The following MAGI2 variants were observed in gnomAD, a reference collection of about 807,000 sequenced individuals.
MAGI2 encodes membrane-associated guanylate kinase, WW and PDZ domain-containing protein 2.
MAGI2 carries 35 observed loss-of-function variants against 133.3 expected under a neutral mutation model. The observed-to-expected ratio is 0.26, with a 90% CI of 0.20 to 0.35. The LOEUF is 0.35. Among genes scored for constraint, MAGI2 ranks in the 10% least tolerant of loss-of-function variants. The pLI, the probability that MAGI2 is intolerant of heterozygous loss-of-function variation, is 1.00. For missense variants in MAGI2, 1,636 were observed against 1,863.4 expected (o/e 0.88, Z 2.25); for synonymous variants, 729 against 710.6 (o/e 1.03, Z -0.41).
At chr7:78,563,122 A>G (rs1241722077) in intron 3 of MAGI2, among the ~76,000 whole-genome samples, 1 of 152,110 alleles carries the variant, frequency 6.6e-6, no homozygotes, top group Non-Finnish European at 1.5e-5. Flanking sequence ...AATATGTGCA[A>G]TTATTATAAA....
chr7:79,389,709 T>C (rs10231173), intron 1 of MAGI2, among the ~76,000 whole-genome samples: 4,358 of 150,310 alleles, frequency 0.029, 320 homozygotes, highest in African/African-American at 0.1. Context: ...TGCAATAGAT[T>C]CTATGAGAAT....
At chr7:78,429,971 T>A (rs987645158) in intron 6 of MAGI2, among the ~76,000 whole-genome samples, 3 of 152,128 alleles carry the variant, frequency 2.0e-5, no homozygotes, top group Admixed American at 6.6e-5. Context: ...GCATTTTGGA[T>A]CCAGAATCCC....
At chr7:79,211,719 A>C (rs1404837416) in intron 1 of MAGI2, among the ~76,000 whole-genome samples, 1 of 152,052 alleles carries the variant, frequency 6.6e-6, no homozygotes, top group African/African-American at 2.4e-5. Context: ...AAATAACAAC[A>C]ACAACAATAA....
intron 1 of MAGI2, among the ~76,000 whole-genome samples, chr7:79,265,773 G>A (rs1479390623): frequency 3.9e-5 from 6 of 152,040 alleles, no homozygotes; most frequent in Non-Finnish European, 7.4e-5. Flanking sequence ...GAAGGCAGGC[G>A]CTAAGAAGGA....
intron 10 of MAGI2, among the ~76,000 whole-genome samples, chr7:78,239,075 T>C (rs1271446924): frequency 2.0e-5 from 3 of 152,088 alleles, no homozygotes; most frequent in Non-Finnish European, 4.4e-5. Context: ...CTCACTCACT[T>C]TCTTTAGATT....
chr7:79,030,063 T>C (rs576807900), intron 1 of MAGI2, among the ~76,000 whole-genome samples: 1 of 152,284 alleles, frequency 6.6e-6, no homozygotes, highest in East Asian at 1.9e-4. Context: ...GTATGTCACA[T>C]CCTCCATGGG....
intron 1 of MAGI2, among the ~76,000 whole-genome samples, chr7:79,397,179 T>C (rs1163415239): frequency 6.7e-6 from 1 of 149,222 alleles, no homozygotes; most frequent in Non-Finnish European, 1.5e-5. Flanking sequence ...TATATATATA[T>C]GTTATTTTAG....
rs115554594 is a variant in MAGI2, at chr7:78,021,703, G to A, written c.3707-1727C>T. Reference sequence around the variant, plus strand: ...AACCTTCCTTCTTCCATACACTGATGTCCATTATCATTTTCACATGGTAAA... The same window carrying A: ...AACCTTCCTTCTTCCATACACTGATATCCATTATCATTTTCACATGGTAAA... On this transcript the variant is annotated intron_variant, in intron 21 of 21. Coordinates refer to ENST00000354212, the MANE Select transcript of MAGI2 (RefSeq NM_012301.4). Among the ~76,000 whole-genome samples, 1,449 of 152,216 alleles carry A rather than the reference G, an allele frequency of 9.5e-3. 35 individuals carry two copies. Among genetic ancestry groups the A allele is most frequent in the African/African-American group, 0.033 (1,386 of 41,494 alleles).
intron 2 of MAGI2, among the ~76,000 whole-genome samples, chr7:78,932,391 T>C (rs994623104): frequency 6.6e-6 from 1 of 152,006 alleles, no homozygotes; most frequent in African/African-American, 2.4e-5. Flanking sequence ...GCAGTGCAAG[T>C]GTGAAATGTC....
intron 2 of MAGI2, among the ~76,000 whole-genome samples, chr7:78,965,692 G>A (rs948932805): frequency 4.6e-5 from 7 of 151,942 alleles, no homozygotes; most frequent in Non-Finnish European, 1.0e-4. Flanking sequence ...AAACTATGAC[G>A]TACAGAAATC....
chr7:79,380,148 G>T (rs10281359), intron 1 of MAGI2, among the ~76,000 whole-genome samples: 1 of 151,622 alleles, frequency 6.6e-6, no homozygotes, highest in South Asian at 2.1e-4. Flanking sequence ...TTGACAAATG[G>T]GATCTAATTA....
chr7:78,294,614 T>C (rs1797044882), intron 9 of MAGI2, among the ~76,000 whole-genome samples: 1 of 152,122 alleles, frequency 6.6e-6, no homozygotes, highest in African/African-American at 2.4e-5. Context: ...AAATAGAGTC[T>C]CTCTTCTTTT....
At chr7:78,331,469 C>G (rs2534649) in intron 9 of MAGI2, among the ~76,000 whole-genome samples, 73,534 of 151,920 alleles carry the variant, frequency 0.48, 18,234 homozygotes, top group African/African-American at 0.53. Context: ...TAAAGCAAGG[C>G]AATTGGTGAT....
At chr7:78,922,828 A>G (rs987996496) in intron 2 of MAGI2, among the ~76,000 whole-genome samples, 9 of 150,186 alleles carry the variant, frequency 6.0e-5, no homozygotes, top group Non-Finnish European at 1.2e-4. Context: ...AAGTGTTCCT[A>G]TTTCTCCACA....
intron 21 of MAGI2, among the ~76,000 whole-genome samples, chr7:78,032,783 G>T (rs370434028): frequency 4.6e-5 from 7 of 152,132 alleles, no homozygotes; most frequent in East Asian, 1.9e-4. Flanking sequence ...GGATTTGAAT[G>T]CAGAGGAGGA....
chr7:78,715,614 A>G (rs376368675), intron 2 of MAGI2, among the ~76,000 whole-genome samples: 4 of 152,348 alleles, frequency 2.6e-5, no homozygotes, highest in Admixed American at 6.5e-5. Context: ...TGACACAAAT[A>G]TAGTAAATGA....
intron 1 of MAGI2, among the ~76,000 whole-genome samples, chr7:79,232,435 G>T (rs1831454007): frequency 2.1e-5 from 3 of 145,780 alleles, no homozygotes; most frequent in Non-Finnish European, 1.5e-5. Context: ...GACTCTTTTT[G>T]GTTGGTAAAC....
intron 16 of MAGI2, among the ~76,000 whole-genome samples, chr7:78,141,842 C>T (rs1233421703): frequency 2.0e-5 from 3 of 152,156 alleles, no homozygotes; most frequent in African/African-American, 7.2e-5. Flanking sequence ...CAACTGAACT[C>T]ACGTTGCTGA....
intron 2 of MAGI2, among the ~76,000 whole-genome samples, chr7:78,686,441 G>C (rs895465947): frequency 6.6e-6 from 1 of 151,774 alleles, no homozygotes; most frequent in East Asian, 1.9e-4. Flanking sequence ...GAAACCGTTT[G>C]TGTAATTTGT....
Sources: gnomAD v4.1 joint callset for allele counts (sites outside exome capture counted in the v4.1 genomes callset) on GRCh38, gnomAD v4.1.1 for gene constraint, MANE v1.5 for transcripts, NCBI Gene and HGNC (gene_info 2026-07-23, HGNC 2026-07-21) for gene names.